MYRIP: variants seen among roughly 807,000 people sequenced by gnomAD.
MYRIP encodes rab effector MyRIP.
MYRIP carries 49 observed loss-of-function variants against 98.0 expected under a neutral mutation model. That is an observed-to-expected ratio of 0.50 (90% confidence interval 0.40 to 0.63). The LOEUF (loss-of-function observed/expected upper bound fraction) is 0.63, where lower values mean the gene tolerates loss of function less well. MYRIP is among the 30% of genes least tolerant of loss of function. The probability of loss-of-function intolerance (pLI) is 0.00; values close to 1 mark genes in which losing one functional copy is unlikely to be tolerated. For synonymous variants in MYRIP, 404 were observed against 409.5 expected (o/e 0.99, Z 0.16); for missense variants, 1,004 against 1,058.2 (o/e 0.95, Z 0.71).
At chr3:40,037,247 C>T (rs566005629) in intron 2 of MYRIP, among the ~76,000 whole-genome samples, 93 of 152,222 alleles carry the variant, frequency 6.1e-4, no homozygotes, top group African/African-American at 2.0e-3. Context: ...ACTTTTAATT[C>T]TGTCCTTTGT....
chr3:40,245,224 TG>T (rs1183553207), intron 13 of MYRIP, among the ~76,000 whole-genome samples: 4 of 152,246 alleles, frequency 2.6e-5, no homozygotes, highest in Non-Finnish European at 4.4e-5. Flanking sequence ...TGACTATGGC[TG>T]TTTGAAGTTT....
chr3:39,888,492 C>T (rs893835038), intron 1 of MYRIP, among the ~76,000 whole-genome samples: 1 of 152,142 alleles, frequency 6.6e-6, no homozygotes, highest in African/African-American at 2.4e-5. Flanking sequence ...AAAGCTGAAA[C>T]TGGATCCCTT....
At chr3:39,983,641 G>A (rs1230557485) in intron 2 of MYRIP, among the ~76,000 whole-genome samples, 4 of 152,182 alleles carry the variant, frequency 2.6e-5, no homozygotes, top group Admixed American at 6.5e-5. Context: ...CTCTGCCCTT[G>A]TGAAATTGAC....
chr3:40,159,023 T>C (rs1367670966), intron 4 of MYRIP, among the ~76,000 whole-genome samples: 1 of 152,160 alleles, frequency 6.6e-6, no homozygotes, highest in African/African-American at 2.4e-5. Context: ...ATATGTGAAT[T>C]TGATCCTGTC....
At chr3:39,969,626 A>T (rs1184913266) in intron 2 of MYRIP, among the ~76,000 whole-genome samples, 1 of 152,214 alleles carries the variant, frequency 6.6e-6, no homozygotes, top group East Asian at 1.9e-4. Context: ...AATCACATGT[A>T]ATGATGTGCA....
chr3:39,906,341 A>G (rs974303946), intron 2 of MYRIP, among the ~76,000 whole-genome samples: 2 of 152,060 alleles, frequency 1.3e-5, no homozygotes, highest in Non-Finnish European at 2.9e-5. Flanking sequence ...CCCAGGTTCT[A>G]TGATTGCAGG....
intron 1 of MYRIP, among the ~76,000 whole-genome samples, chr3:39,884,450 T>C (rs983418220): frequency 6.6e-6 from 1 of 152,118 alleles, no homozygotes; most frequent in Admixed American, 6.6e-5. Flanking sequence ...TAACATTTAA[T>C]GGTTGGACTT....
At chr3:40,030,580 T>C (rs1371466575) in intron 2 of MYRIP, among the ~76,000 whole-genome samples, 1 of 152,266 alleles carries the variant, frequency 6.6e-6, no homozygotes, top group East Asian at 1.9e-4. Flanking sequence ...ACAATGTAAA[T>C]GTTTATGGTG....
At chr3:39,905,741 G>C (rs534591999) in intron 2 of MYRIP, among the ~76,000 whole-genome samples, 1 of 152,246 alleles carries the variant, frequency 6.6e-6, no homozygotes, top group South Asian at 2.1e-4. Flanking sequence ...CCCTTATATA[G>C]TTACGATTGA....
intron 2 of MYRIP, among the ~76,000 whole-genome samples, chr3:40,035,241 TAAAA>T (rs571477346): frequency 4.0e-5 from 6 of 150,686 alleles, no homozygotes; most frequent in African/African-American, 1.5e-4. Flanking sequence ...TTTTAAAAAT[TAAAA>T]AAAAGAAAAA....
chr3:39,829,827 C>T (rs1559488777), intron 1 of MYRIP, among the ~76,000 whole-genome samples: 1 of 152,140 alleles, frequency 6.6e-6, no homozygotes, highest in Non-Finnish European at 1.5e-5. Flanking sequence ...AGGGGCCTGG[C>T]ACCAAACTCA....
intron 2 of MYRIP, among the ~76,000 whole-genome samples, chr3:40,022,376 C>T (rs1947017627): frequency 6.6e-6 from 1 of 152,122 alleles, no homozygotes; most frequent in Non-Finnish European, 1.5e-5. Context: ...GAGAAGATGA[C>T]ATTTGAAATG....
chr3:40,020,110 C>T (rs948793670), intron 2 of MYRIP, among the ~76,000 whole-genome samples: 1 of 152,070 alleles, frequency 6.6e-6, no homozygotes, highest in African/African-American at 2.4e-5. Flanking sequence ...GAGCATAGTA[C>T]CCATAGATAG....
chr3:39,915,100 G>A (rs564957616), intron 2 of MYRIP, among the ~76,000 whole-genome samples: 16 of 152,054 alleles, frequency 1.1e-4, no homozygotes, highest in South Asian at 8.3e-4. Context: ...ATTCTAACTC[G>A]AGGAACTCCC....
At chr3:40,236,420 G>T (rs143326891) in intron 12 of MYRIP, among the ~76,000 whole-genome samples, 2,500 of 152,316 alleles carry the variant, frequency 0.016, 17 homozygotes, top group East Asian at 0.031. Context: ...GAGGCACCTG[G>T]CCTGGAGGAG....
intron 9 of MYRIP, among the ~76,000 whole-genome samples, chr3:40,185,660 G>A (rs1383565655): frequency 6.6e-6 from 1 of 152,200 alleles, no homozygotes; most frequent in Non-Finnish European, 1.5e-5. Context: ...AGCTTCCAAA[G>A]AGGCATGAGG....
rs551290947 is a variant in MYRIP at position 40,144,303 on chromosome 3, C to T, written c.333-6745C>T. On this transcript the variant is annotated intron_variant, in intron 3 of 16. Transcript: ENST00000302541. ...AGCCAGCCCTGCAGAAAGGGGGCAT[C>T]TATTACCAAGATCTCCAGTAGAAGC... is the stretch of plus-strand genomic sequence containing the variant. Among the ~76,000 whole-genome samples the T allele has an allele frequency of 1.9e-4, 29 of 152,308 alleles. No individual in the cohort carries two copies. The South Asian group carries it at 5.8e-3, about 30-fold the overall frequency.
At chr3:40,242,148 A>G (rs988336571) in intron 12 of MYRIP, 1 of 152,192 alleles carries the variant, frequency 6.6e-6, no homozygotes, top group Non-Finnish European at 1.5e-5. Flanking sequence ...GAGCAAAAAA[A>G]TTCTCATCTT....
chr3:40,035,089 G>T (rs1405783022), intron 2 of MYRIP, among the ~76,000 whole-genome samples: 19 of 101,296 alleles, frequency 1.9e-4, no homozygotes, highest in Non-Finnish European at 3.2e-4. Context: ...GGGGGGAGGG[G>T]GGAGGGATAG....
Sources: gnomAD v4.1 joint callset for allele counts (sites outside exome capture counted in the v4.1 genomes callset) on GRCh38, gnomAD v4.1.1 for gene constraint, MANE v1.5 for transcripts, NCBI Gene and HGNC (gene_info 2026-07-23, HGNC 2026-07-21) for gene names.